The following ST3GAL6 variants were observed in gnomAD, a reference collection of about 807,000 sequenced individuals.
ST3GAL6 encodes the protein ST3 beta-galactoside alpha-2,3-sialyltransferase 6.
ST3GAL6 carries 31 observed loss-of-function variants against 40.5 expected under a neutral mutation model. The ratio of observed to expected loss-of-function variants is 0.77; its 90% confidence interval spans 0.58 to 1.03. The LOEUF is 1.03. Ranked by LOEUF, ST3GAL6 falls within the 50% of genes least tolerant of loss-of-function variation. The probability of loss-of-function intolerance (pLI) is 0.00; values close to 1 mark genes in which losing one functional copy is unlikely to be tolerated. For missense variants in ST3GAL6, 357 were observed against 393.2 expected, an observed-to-expected ratio of 0.91 and a Z score of 0.78; for synonymous variants, 129 against 136.9, an observed-to-expected ratio of 0.94 and a Z score of 0.40.
intron 1 of ST3GAL6, among the ~76,000 whole-genome samples, chr3:98,743,000 C>CTTTTTT (rs71120599): frequency 5.6e-5 from 5 of 89,490 alleles, no homozygotes; most frequent in Admixed American, 1.5e-4. Context: ...ATGCCAGGCT[C>CTTTTTT]TTTTTTTTTT....
chr3:98,772,872 A>G lies in ST3GAL6; in HGVS notation c.227A>G (p.Tyr76Cys), dbSNP rs1939144730. ...GATTTTAGAAAGATTGCTTCCTTGT[A>G]TGGTAGCGATAAGTTTGATTTGCCC... is the stretch of plus-strand genomic sequence containing the variant. ...AADFRKIASL[Y>C]GSDKFDLPYG... The change falls in exon 4 of 10, where the codon TAT (tyrosine) becomes TGT (cysteine). Residue 76 changes from tyrosine to cysteine, a missense_variant. Transcript: ENST00000483910. 1.9e-6 allele frequency: 3 copies of G among 1,612,988 alleles called. No homozygotes were observed. The highest frequency in any genetic ancestry group is 1.3e-5 in the African/African-American group (1 of 74,846).
chr3:98,751,168 G>A (rs1220314882), intron 1 of ST3GAL6, among the ~76,000 whole-genome samples: 2 of 151,782 alleles, frequency 1.3e-5, no homozygotes, highest in Non-Finnish European at 2.9e-5. Flanking sequence ...TCAGCCTCCC[G>A]AGTAGTTGGG....
intron 1 of ST3GAL6, among the ~76,000 whole-genome samples, chr3:98,736,893 G>A (rs545666577): frequency 6.6e-6 from 1 of 152,332 alleles, no homozygotes; most frequent in South Asian, 2.1e-4. Context: ...TTAAAGAAGA[G>A]TGCAAAAGAC....
At chr3:98,782,489 C>T (rs1940228686) in intron 5 of ST3GAL6, 3 of 610,078 alleles carry the variant, frequency 4.9e-6, no homozygotes, top group African/African-American at 3.7e-5. Context: ...GTCATCCATA[C>T]AAGATGAATT....
chr3:98,759,510 A>G (rs1354250637), upstream of ST3GAL6, among the ~76,000 whole-genome samples: 4 of 152,208 alleles, frequency 2.6e-5, no homozygotes, highest in Non-Finnish European at 4.4e-5. Context: ...TTGTGCACCC[A>G]TAATGTGACA....
At chr3:98,752,379 A>AT (rs1937070657) in intron 1 of ST3GAL6, among the ~76,000 whole-genome samples, 1 of 151,604 alleles carries the variant, frequency 6.6e-6, no homozygotes, top group African/African-American at 2.4e-5. Flanking sequence ...AATATTTCAG[A>AT]TTTTTTCATT....
At chr3:98,788,926 G>C (rs1249915010) in intron 8 of ST3GAL6, among the ~76,000 whole-genome samples, 1 of 152,240 alleles carries the variant, frequency 6.6e-6, no homozygotes, top group Non-Finnish European at 1.5e-5. Context: ...GGACAATAAA[G>C]TAGTCCAGAA....
rs142135612 is a variant in ST3GAL6 at position 98,795,181 on chromosome 3, G to A, written c.*1420G>A. ...GGTTATAAGGATGGAACTAAAAGTTGTCAGAAGAGGTATGAGCTGAAGAAA... is the reference window on the plus strand; with the variant it reads ...GGTTATAAGGATGGAACTAAAAGTTATCAGAAGAGGTATGAGCTGAAGAAA... On this transcript the variant is annotated 3_prime_UTR_variant, in exon 10 of 10. Transcript: ENST00000483910. 1.2e-4 allele frequency: 18 copies of A among 152,286 alleles called. 1 individual carries two copies. Among genetic ancestry groups the A allele is most frequent in the African/African-American group, 4.3e-4 (18 of 41,560 alleles). 9.4% of individuals were successfully genotyped at this position (152,286 alleles called of 1,614,324 possible). A position where few individuals can be genotyped will look rare whatever the true frequency, so the allele number is the denominator to read the frequency against.
rs1668187807 is a variant in ST3GAL6 at position 98,794,183 on chromosome 3, G to T, written c.*422G>T. On this transcript the variant is annotated 3_prime_UTR_variant, in exon 10 of 10. Coordinates refer to ENST00000483910, the MANE Select transcript of ST3GAL6 (RefSeq NM_001323368.2). ...AAAATCACGATTGTGGCTTGATGTG[G>T]CAAGCCGAAACCACTTGGCTCTGGA... The T allele has an allele frequency of 6.6e-6, 1 of 152,634 alleles. No individual in the cohort carries two copies. The highest frequency in any genetic ancestry group is 1.5e-5 in the Non-Finnish European group (1 of 68,370). The allele number at this position is 152,634 out of a possible 1,614,324, so 9.5% of individuals were successfully genotyped here.
intron 5 of ST3GAL6, among the ~76,000 whole-genome samples, chr3:98,778,990 T>C (rs528085255): frequency 2.0e-5 from 3 of 152,338 alleles, no homozygotes; most frequent in African/African-American, 7.2e-5. Flanking sequence ...GAGTACCGAT[T>C]CATTCATATA....
intron 3 of ST3GAL6, among the ~76,000 whole-genome samples, chr3:98,772,052 T>C (rs996195668): frequency 1.3e-5 from 2 of 152,216 alleles, no homozygotes; most frequent in African/African-American, 4.8e-5. Flanking sequence ...AAAATGCTAC[T>C]CTAGAATTAA....
chr3:98,761,819 A>G (rs1248459737), upstream of ST3GAL6, among the ~76,000 whole-genome samples: 1 of 152,184 alleles, frequency 6.6e-6, no homozygotes, highest in Non-Finnish European at 1.5e-5. Context: ...CTTGCAATGG[A>G]CCTGAGTCTG....
chr3:98,755,374 A>G (rs889249662), intron 1 of ST3GAL6, among the ~76,000 whole-genome samples: 4 of 152,134 alleles, frequency 2.6e-5, no homozygotes, highest in Non-Finnish European at 4.4e-5. Flanking sequence ...TGAACATAAT[A>G]AACTGTGAAA....
chr3:98,756,239 A>G (rs893832), intron 1 of ST3GAL6: 327,497 of 671,706 alleles, frequency 0.49, 82,755 homozygotes, highest in African/African-American at 0.67. Context: ...ATCCTGGAAA[A>G]CATTTTTTAG....
rs139871347 is a variant in ST3GAL6 at position 98,794,873 on chromosome 3, C to T, written c.*1112C>T. On this transcript the variant is annotated 3_prime_UTR_variant, in exon 10 of 10. Coordinates refer to ENST00000483910, the MANE Select transcript of ST3GAL6 (RefSeq NM_001323368.2). ...CAAGATCGCGCCACTGCACTTCAGC[C>T]TGGGTGACAGAGTGAGGCTGTCTTC... 2.0e-5 allele frequency: 3 copies of T among 152,272 alleles called. No individual in the cohort carries two copies. The East Asian group carries it at 5.8e-4, about 29-fold the overall frequency. The allele number at this position is 152,272 out of a possible 1,614,324, so 9.4% of individuals were successfully genotyped here.
chr3:98,766,990 T>A (rs1275168362), intron 1 of ST3GAL6, among the ~76,000 whole-genome samples: 1 of 152,230 alleles, frequency 6.6e-6, no homozygotes, highest in Admixed American at 6.5e-5. Flanking sequence ...ACAGGGATTA[T>A]GTATACCTAA....
intron 8 of ST3GAL6, 123 bp from the exon 9 acceptor site, chr3:98,791,718 A>T: frequency 1.2e-6 from 1 of 849,206 alleles, no homozygotes; most frequent in Non-Finnish European, 1.9e-6. Context: ...ATGAGAGTTT[A>T]GTTATTTCTC....
chr3:98,737,893 T>G (rs1935691198), intron 1 of ST3GAL6, among the ~76,000 whole-genome samples: 1 of 152,138 alleles, frequency 6.6e-6, no homozygotes, highest in South Asian at 2.1e-4. Context: ...AAGACAAAGA[T>G]AGTGATATGG....
Position 98,785,041 on chromosome 3 carries a change from G to A in ST3GAL6, c.431+1G>A. ...TCGACTCCTATGATGTAATAATAAG[G>A]TAAATATATTTTCTATTTGCTACCC... is the stretch of plus-strand genomic sequence containing the variant. On this transcript the variant is annotated splice_donor_variant, in intron 6 of 9. Coordinates refer to ENST00000483910, the MANE Select transcript of ST3GAL6 (RefSeq NM_001323368.2). LOFTEE classifies it high-confidence loss of function. 1 of 1,576,332 alleles carries A rather than the reference G, an allele frequency of 6.3e-7. No homozygotes were observed. The highest frequency in any genetic ancestry group is 8.7e-7 in the Non-Finnish European group (1 of 1,146,478).
Sources: allele counts gnomAD v4.1 joint callset (sites outside exome capture counted in the v4.1 genomes callset), GRCh38; gene constraint gnomAD v4.1.1; transcripts MANE v1.5; gene names NCBI Gene and HGNC (gene_info 2026-07-23, HGNC 2026-07-21).